PCDH9: variants seen among roughly 807,000 people sequenced by gnomAD.
The protein encoded by PCDH9 is protocadherin-9.
Under a neutral mutation model 70.6 loss-of-function variants are expected in PCDH9, and 24 were observed. The ratio of observed to expected loss-of-function variants is 0.34; its 90% confidence interval spans 0.25 to 0.48. The LOEUF is 0.48. PCDH9 is among the 20% of genes least tolerant of loss of function. The pLI, the probability that PCDH9 is intolerant of heterozygous loss-of-function variation, is 0.99. For synonymous variants in PCDH9, 562 were observed against 558.5 expected (o/e 1.01, Z -0.09); for missense variants, 1,281 against 1,503.6 (o/e 0.85, Z 2.45).
At chr13:66,708,623 A>T (rs896943336) in intron 3 of PCDH9, among the ~76,000 whole-genome samples, 1 of 152,178 alleles carries the variant, frequency 6.6e-6, no homozygotes, top group African/African-American at 2.4e-5. Context: ...GTAAATATGC[A>T]TTATCAGTGA....
intron 3 of PCDH9, among the ~76,000 whole-genome samples, chr13:66,861,291 T>C (rs575291443): frequency 6.6e-6 from 1 of 152,238 alleles, no homozygotes; most frequent in East Asian, 1.9e-4. Flanking sequence ...GATACTGGGG[T>C]GATAAATCAG....
chr13:66,672,905 T>A (rs1371945919), intron 3 of PCDH9, among the ~76,000 whole-genome samples: 3 of 152,180 alleles, frequency 2.0e-5, no homozygotes, highest in Non-Finnish European at 2.9e-5. Flanking sequence ...CTAGGAAGTA[T>A]TACTAACTTT....
chr13:66,420,939 A>G (rs1440431030), intron 4 of PCDH9, among the ~76,000 whole-genome samples: 1 of 152,130 alleles, frequency 6.6e-6, no homozygotes, highest in Admixed American at 6.5e-5. Context: ...AACCTTGATA[A>G]AAGATTAGAG....
intron 4 of PCDH9, among the ~76,000 whole-genome samples, chr13:66,330,283 A>G (rs142383842): frequency 1.5e-3 from 234 of 152,312 alleles, no homozygotes; most frequent in African/African-American, 5.3e-3. Context: ...GTAATTGCTC[A>G]TAGGGTCCAT....
chr13:66,436,941 A>G (rs1403920141), intron 4 of PCDH9, among the ~76,000 whole-genome samples: 8 of 151,958 alleles, frequency 5.3e-5, no homozygotes, highest in African/African-American at 1.9e-4. Context: ...ATAATAAAAC[A>G]TTTTTATGTC....
intron 2 of PCDH9, among the ~76,000 whole-genome samples, chr13:66,973,471 G>A (rs186230317): frequency 2.0e-5 from 3 of 152,042 alleles, no homozygotes; most frequent in Non-Finnish European, 4.4e-5. Context: ...AGGAGGAAAC[G>A]ACCAATATTG....
chr13:67,074,201 A>C (rs2085831382), intron 2 of PCDH9, among the ~76,000 whole-genome samples: 1 of 152,006 alleles, frequency 6.6e-6, no homozygotes, highest in African/African-American at 2.4e-5. Flanking sequence ...CCTCAAGGTA[A>C]TGGTATTAGG....
At chr13:66,933,105 T>G (rs928714555) in intron 2 of PCDH9, among the ~76,000 whole-genome samples, 1 of 151,996 alleles carries the variant, frequency 6.6e-6, no homozygotes, top group East Asian at 1.9e-4. Context: ...ATATTAATAT[T>G]ACTCAGTGTT....
chr13:66,521,888 G>A (rs939943842), intron 4 of PCDH9, among the ~76,000 whole-genome samples: 13 of 151,756 alleles, frequency 8.6e-5, no homozygotes, highest in African/African-American at 3.1e-4. Flanking sequence ...GTTTGTGTGT[G>A]CATATATATA....
At chr13:66,579,189 C>T (rs2076856578) in intron 4 of PCDH9, among the ~76,000 whole-genome samples, 1 of 152,048 alleles carries the variant, frequency 6.6e-6, no homozygotes, top group African/African-American at 2.4e-5. Context: ...GAAATTCTTT[C>T]TCCTAAAATT....
intron 3 of PCDH9, among the ~76,000 whole-genome samples, chr13:66,880,988 C>T (rs1202964844): frequency 6.6e-6 from 1 of 152,104 alleles, no homozygotes; most frequent in Non-Finnish European, 1.5e-5. Context: ...CAGTGATCTC[C>T]TGGGTAAAAA....
intron 4 of PCDH9, among the ~76,000 whole-genome samples, chr13:66,554,319 T>A (rs1235512706): frequency 6.6e-6 from 1 of 152,136 alleles, no homozygotes; most frequent in Non-Finnish European, 1.5e-5. Flanking sequence ...TATACTCTTT[T>A]GCAACTTTAA....
chr13:67,091,801 A>T (rs1260816316), intron 2 of PCDH9, among the ~76,000 whole-genome samples: 2 of 152,202 alleles, frequency 1.3e-5, no homozygotes, highest in Non-Finnish European at 2.9e-5. Flanking sequence ...TGTCATAGAC[A>T]CTTACAATTT....
chr13:66,388,042 T>A (rs1956959504), intron 4 of PCDH9, among the ~76,000 whole-genome samples: 1 of 152,330 alleles, frequency 6.6e-6, no homozygotes, highest in Non-Finnish European at 1.5e-5. Flanking sequence ...GGAATACGTA[T>A]CTTGAGAGAG....
At chr13:66,463,436 A>G (rs928694876) in intron 4 of PCDH9, among the ~76,000 whole-genome samples, 3 of 151,996 alleles carry the variant, frequency 2.0e-5, no homozygotes, top group South Asian at 4.1e-4. Flanking sequence ...CTGCACAGCA[A>G]ATAACAAAAC....
At chr13:66,743,312 T>C (rs9540889) in intron 3 of PCDH9, among the ~76,000 whole-genome samples, 1 of 106,106 alleles carries the variant, frequency 9.4e-6, no homozygotes, top group Non-Finnish European at 1.9e-5. Flanking sequence ...CATGGACACA[T>C]GAAGGGGAAT....
At position 66,631,372 on chromosome 13, in the gene PCDH9, G is replaced by T; in HGVS notation, c.3178C>A (p.Gln1060Lys). The change falls in exon 4 of 5, where the codon CAG (glutamine) becomes AAG (lysine). Residue 1060 changes from glutamine to lysine, a missense_variant. By Grantham distance (53) the Gln-to-Lys change is moderately conservative. Around this residue, in one of 4 missense-constraint regions of PCDH9, gnomAD observed 264 missense variants for 278.8 expected, o/e 0.95. Transcript: ENST00000377865. ...AGACCACTGTCACTGCAGCTTTCCT[G>T]GGAGCCATCAGGGAGATGAAACGTA... is the stretch of plus-strand genomic sequence containing the variant. Reference protein sequence around the residue: ...RVTFHLPDGSQESCSDSGLGD... With the variant: ...RVTFHLPDGSKESCSDSGLGD... The T allele has an allele frequency of 6.2e-7, 1 of 1,612,602 alleles. No individual in the cohort carries two copies. Among genetic ancestry groups the T allele is most frequent in the East Asian group, 2.2e-5 (1 of 44,862 alleles).
At chr13:66,871,031 A>G (rs2081669083) in intron 3 of PCDH9, among the ~76,000 whole-genome samples, 1 of 152,178 alleles carries the variant, frequency 6.6e-6, no homozygotes, top group Admixed American at 6.5e-5. Flanking sequence ...AATGTGGCAC[A>G]TATACACCAT....
At chr13:66,568,548 T>C (rs34557527) in intron 4 of PCDH9, among the ~76,000 whole-genome samples, 50,427 of 148,402 alleles carry the variant, frequency 0.34, 9,007 homozygotes, top group African/African-American at 0.44. Context: ...AGTAGCTAGA[T>C]GTGGTCCCAT....
Sources: allele counts gnomAD v4.1 joint callset (sites outside exome capture counted in the v4.1 genomes callset), GRCh38; gene constraint gnomAD v4.1.1; regional missense constraint gnomAD v4.1.1; transcripts MANE v1.5; gene names NCBI Gene and HGNC (gene_info 2026-07-23, HGNC 2026-07-21).